The following ZRANB2 variants were observed in gnomAD, a reference collection of about 807,000 sequenced individuals.
The protein encoded by ZRANB2 is zinc finger Ran-binding domain-containing protein 2.
In ZRANB2, 19 loss-of-function variants were observed where a neutral mutation model predicts 53.4. The observed-to-expected ratio is 0.36, with a 90% confidence interval of 0.25 to 0.52. The LOEUF is 0.52. Among genes scored for constraint, ZRANB2 ranks in the 20% least tolerant of loss-of-function variants. The pLI, the probability that ZRANB2 is intolerant of heterozygous loss-of-function variation, is 0.93. For synonymous variants in ZRANB2, 145 were observed against 134.8 expected, an observed-to-expected ratio of 1.08 and a Z score of -0.52; for missense variants, 309 against 401.1, an observed-to-expected ratio of 0.77 and a Z score of 1.96.
rs779194312 is a variant in ZRANB2, at chr1:71,070,875, C to G, written c.635G>C (p.Arg212Pro). ...SRSKSRSSHS[R>P]SSSRSSSPSS... ...GGGGGAGGATGAGCGTGATGAAGATCGTGAATGTGAAGATCGAGACTTTGA... is the reference window on the plus strand; with the variant it reads ...GGGGGAGGATGAGCGTGATGAAGATGGTGAATGTGAAGATCGAGACTTTGA... The change falls in exon 7 of 10, where the codon CGA becomes CCA. Residue 212 changes from arginine (R) to proline (P), a missense_variant. Physicochemically the swap from Arg to Pro is moderately radical, Grantham distance 103. Coordinates refer to ENST00000370920, the MANE Select transcript of ZRANB2 (RefSeq NM_203350.3). The G allele has an allele frequency of 6.8e-6, 11 of 1,609,398 alleles. No individual in the cohort carries two copies. In the East Asian group the frequency reaches 1.6e-4, roughly 23 times the overall value.
At chr1:71,071,323 T>C (rs1456090124) in intron 6 of ZRANB2, among the ~76,000 whole-genome samples, 1 of 152,162 alleles carries the variant, frequency 6.6e-6, no homozygotes, top group Non-Finnish European at 1.5e-5. Context: ...CCTTATTCTC[T>C]AGCATATTAT....
chr1:71,075,845 G>T (rs72671088), intron 4 of ZRANB2, among the ~76,000 whole-genome samples: 10,849 of 151,708 alleles, frequency 0.072, 537 homozygotes, highest in Non-Finnish European at 0.11. Context: ...GCTGGGGAAG[G>T]GGGGATCAAG....
chr1:71,077,534 T>C (rs1661735003), intron 3 of ZRANB2, among the ~76,000 whole-genome samples: 1 of 152,132 alleles, frequency 6.6e-6, no homozygotes, highest in South Asian at 2.1e-4. Context: ...AAATTTATAA[T>C]CCTGAGGATC....
In ZRANB2 at chr1:71,064,502, CA is replaced by C. The variant is rs932351497; in HGVS notation, c.*571del. 1.6e-4 allele frequency: 25 copies of C among 152,456 alleles called. No homozygotes were observed. The highest frequency in any genetic ancestry group is 6.0e-4 in the African/African-American group (25 of 41,510). The allele number at this position is 152,456 out of a possible 1,614,324, so 9.4% of individuals were successfully genotyped here. On this transcript the variant is annotated 3_prime_UTR_variant, in exon 10 of 10. Coordinates refer to ENST00000370920, the MANE Select transcript of ZRANB2 (RefSeq NM_203350.3). ...AGATTCTTTTGCATTAAATGTGGAG[CA>C]AAAAAGTAAAGCTGGATAAAAGAGA...
At chr1:71,070,570 A>G (rs1661571607) in intron 7 of ZRANB2, among the ~76,000 whole-genome samples, 1 of 152,128 alleles carries the variant, frequency 6.6e-6, no homozygotes, top group African/African-American at 2.4e-5. Context: ...AATTTAATTC[A>G]GTTTTTAAGT....
chr1:71,080,921 G>C lies in ZRANB2; in HGVS notation c.56+19C>G, dbSNP rs909718443. On this transcript the variant is annotated intron_variant, in intron 1 of 9. Transcript: ENST00000370920. ...CACTAACAAACTCCGTCCCAATTCAGGACCCTTCTTGAACTCACTTTTTGT... is the reference window on the plus strand; with the variant it reads ...CACTAACAAACTCCGTCCCAATTCACGACCCTTCTTGAACTCACTTTTTGT... 1.2e-5 allele frequency: 20 copies of C among 1,613,954 alleles called. No homozygotes were observed. The Middle Eastern group carries it at 4.9e-4, about 40-fold the overall frequency.
At chr1:71,075,073 C>T (rs1450160600) in intron 4 of ZRANB2, among the ~76,000 whole-genome samples, 1 of 152,088 alleles carries the variant, frequency 6.6e-6, no homozygotes, top group African/African-American at 2.4e-5. Flanking sequence ...ATAAAGGAGT[C>T]AGGAAATAGG....
intron 4 of ZRANB2, among the ~76,000 whole-genome samples, chr1:71,074,050 G>T (rs1661653430): frequency 6.6e-6 from 1 of 151,966 alleles, no homozygotes; most frequent in African/African-American, 2.4e-5. Flanking sequence ...CACTCTTGCC[G>T]CCACCTCTCC....
At chr1:71,074,473 C>T (rs1012647891) in intron 4 of ZRANB2, among the ~76,000 whole-genome samples, 14 of 151,756 alleles carry the variant, frequency 9.2e-5, no homozygotes, top group African/African-American at 1.5e-4. Flanking sequence ...GGAAAAAAAG[C>T]GGGAAAGGGG....
intron 4 of ZRANB2, among the ~76,000 whole-genome samples, chr1:71,075,673 C>T (rs778939404): frequency 2.0e-5 from 3 of 151,446 alleles, no homozygotes; most frequent in East Asian, 3.9e-4. Flanking sequence ...ATCAATCAAA[C>T]GGGGGTTGGT....
At position 71,064,841 on chromosome 1, in the gene ZRANB2, G is replaced by A. The variant is rs1424967697; in HGVS notation, c.*233C>T. 1 of 371,740 alleles carries A rather than the reference G, an allele frequency of 2.7e-6. No individual in the cohort carries two copies. Among genetic ancestry groups the A allele is most frequent in the Non-Finnish European group, 4.9e-6 (1 of 203,906 alleles). 23.0% of individuals were successfully genotyped at this position (371,740 alleles called of 1,614,324 possible). On this transcript the variant is annotated 3_prime_UTR_variant, in exon 10 of 10. Coordinates refer to ENST00000370920, the MANE Select transcript of ZRANB2 (RefSeq NM_203350.3). ...TATAGCTGAAATGGTTTTAAATGAA[G>A]CAAATGGTTGTAAATAATGAATGAC... is the stretch of plus-strand genomic sequence containing the variant.
At chr1:71,078,415 T>C in intron 3 of ZRANB2, 42 bp downstream of exon 3, 3 of 1,551,162 alleles carry the variant, frequency 1.9e-6, no homozygotes, top group African/African-American at 1.4e-5. Context: ...GCCAGATCTA[T>C]TATTTTGGAA....
intron 8 of ZRANB2, 168 bp from the exon 9 acceptor site, chr1:71,067,102 G>C: frequency 1.9e-6 from 1 of 535,258 alleles, no homozygotes. Context: ...GATCAACCAT[G>C]AAAACATTCT....
At chr1:71,079,373 T>C (rs1330158950) in intron 1 of ZRANB2, among the ~76,000 whole-genome samples, 3 of 152,148 alleles carry the variant, frequency 2.0e-5, no homozygotes, top group South Asian at 2.1e-4. Flanking sequence ...ACCTAAAGAA[T>C]TACTGGTTCA....
chr1:71,069,783 T>A (rs1472659998), intron 7 of ZRANB2, among the ~76,000 whole-genome samples: 1 of 152,160 alleles, frequency 6.6e-6, no homozygotes, highest in Non-Finnish European at 1.5e-5. Context: ...AAGTTTTGAA[T>A]GTTGGCATGT....
chr1:71,079,087 C>A (rs946799632), intron 1 of ZRANB2, among the ~76,000 whole-genome samples: 1 of 151,926 alleles, frequency 6.6e-6, no homozygotes, highest in South Asian at 2.1e-4. Flanking sequence ...TAGCGGTGGA[C>A]CAATGAGGAA....
intron 9 of ZRANB2, chr1:71,065,853 C>G: frequency 6.5e-7 from 1 of 1,526,840 alleles, no homozygotes; most frequent in Non-Finnish European, 8.9e-7. Flanking sequence ...AAGAAAGCAA[C>G]AGAATGAATT....
In ZRANB2 at chr1:71,070,877, T is replaced by C. The variant is rs757088637; in HGVS notation, c.633A>G (p.Ser211=). ...RSRSKSRSSH[S]RSSSRSSSPS... is the part of the protein sequence containing the mutation. Reference sequence around the variant, plus strand: ...GGGAGGATGAGCGTGATGAAGATCGTGAATGTGAAGATCGAGACTTTGAGC... The same window carrying C: ...GGGAGGATGAGCGTGATGAAGATCGCGAATGTGAAGATCGAGACTTTGAGC... Residue 211 remains serine (S), a synonymous_variant, in exon 7 of 10, where the codon TCA becomes TCG. Transcript: ENST00000370920. 1.3e-5 allele frequency: 21 copies of C among 1,610,114 alleles called. No individual in the cohort carries two copies. In the African/African-American group the frequency reaches 2.8e-4, roughly 22 times the overall value.
intron 9 of ZRANB2, chr1:71,065,622 T>C: frequency 3.2e-6 from 5 of 1,544,230 alleles, no homozygotes; most frequent in Non-Finnish European, 4.4e-6. Flanking sequence ...AAGATGATTG[T>C]ACAATTTGCT....
Sources: gnomAD v4.1 joint callset for allele counts (sites outside exome capture counted in the v4.1 genomes callset) on GRCh38, gnomAD v4.1.1 for gene constraint, MANE v1.5 for transcripts, NCBI Gene and HGNC (gene_info 2026-07-23, HGNC 2026-07-21) for gene names.